The following IRAG2 variants were observed in gnomAD, a reference collection of about 807,000 sequenced individuals.
IRAG2 encodes the protein lymphoid restricted membrane protein.
Under a neutral mutation model 69.9 loss-of-function variants are expected in IRAG2, and 45 were observed. The ratio of observed to expected loss-of-function variants is 0.64; its 90% confidence interval spans 0.51 to 0.83. IRAG2 has a LOEUF of 0.83. IRAG2 is among the 40% of genes least tolerant of loss of function. The pLI is 0.00. For missense variants in IRAG2, 520 were observed against 587.0 expected (o/e 0.89, Z 1.18); for synonymous variants, 193 against 202.4 (o/e 0.95, Z 0.40).
At chr12:25,104,250 A>G (rs1251561897) in intron 19 of IRAG2, 111 bp from the exon 20 acceptor site, 2 of 746,028 alleles carry the variant, frequency 2.7e-6, no homozygotes, top group East Asian at 6.0e-5. Context: ...TGTGCCAAGA[A>G]AAAAATAATT....
At chr12:25,015,921 C>T (rs1007462222) in intron 5 of IRAG2, among the ~76,000 whole-genome samples, 31 of 152,132 alleles carry the variant, frequency 2.0e-4, no homozygotes, top group African/African-American at 7.0e-4. Context: ...GTGGGCTGGG[C>T]GCGGTGCCTC....
At chr12:25,041,558 T>G (rs1944748779) in intron 16 of IRAG2, among the ~76,000 whole-genome samples, 1 of 152,068 alleles carries the variant, frequency 6.6e-6, no homozygotes, top group Non-Finnish European at 1.5e-5. Flanking sequence ...TTCAGCTCAC[T>G]GGAACCTCCA....
intron 1 of IRAG2, among the ~76,000 whole-genome samples, chr12:25,055,495 ATG>A (rs939978105): frequency 1.3e-5 from 2 of 152,190 alleles, no homozygotes; most frequent in Admixed American, 6.5e-5. Context: ...TCTAGGGTAC[ATG>A]TGTACAACGT....
At chr12:25,101,349 T>C in intron 16 of IRAG2, 24 bp downstream of exon 16, 1 of 1,519,602 alleles carries the variant, frequency 6.6e-7, no homozygotes. Context: ...ATGATAATAG[T>C]ATTAGTTGTG....
At chr12:25,060,338 G>A (rs1467447498) in intron 1 of IRAG2, among the ~76,000 whole-genome samples, 1 of 152,132 alleles carries the variant, frequency 6.6e-6, no homozygotes, top group East Asian at 1.9e-4. Context: ...GTACATCAAA[G>A]AGCTAGTTAA....
exon 14 of IRAG2, chr12:25,035,767 A>C (rs1328439588): frequency 2.5e-6 from 1 of 398,918 alleles, no homozygotes; most frequent in Non-Finnish European, 4.4e-6. Flanking sequence ...AGTGGAATTC[A>C]CAGCCACGCT....
chr12:25,103,793 ATTATTGAGAGT>A (rs1291372560), intron 17 of IRAG2, 33 bp from the exon 18 acceptor site: 1 of 1,386,812 alleles, frequency 7.2e-7, no homozygotes, highest in East Asian at 2.3e-5. Flanking sequence ...ATAATGATAA[ATTATTGAGAGT>A]TTTCTAAATG....
At chr12:25,015,667 CT>C (rs1423926385) in intron 5 of IRAG2, among the ~76,000 whole-genome samples, 1 of 152,204 alleles carries the variant, frequency 6.6e-6, no homozygotes, top group Non-Finnish European at 1.5e-5. Flanking sequence ...TCATGAAACC[CT>C]TCTCCCTCAT....
intron 14 of IRAG2, among the ~76,000 whole-genome samples, chr12:25,091,449 A>G (rs7977670): frequency 0.34 from 51,835 of 152,058 alleles, 9,493 homozygotes; most frequent in African/African-American, 0.46. Context: ...TTAAGGCTCA[A>G]TAAAATTCTC....
chr12:25,087,293 G>A lies in IRAG2; in HGVS notation c.316-807G>A, dbSNP rs71450467. 1.1e-4 allele frequency among the ~76,000 whole-genome samples: 17 copies of A among 148,788 alleles called. No homozygotes were observed. The East Asian group carries it at 2.4e-3, about 21-fold the overall frequency. On this transcript the variant is annotated intron_variant, in intron 10 of 21. Coordinates refer to ENST00000556887, the MANE Select transcript of IRAG2 (RefSeq NM_001366544.2). ...AGTGATTCTCCTGCCTCAGCCTTCA[G>A]AGTAGCTTGGATTATAGGCCTGCAC...
chr12:25,008,099 C>A (rs12367095), intron 2 of IRAG2, among the ~76,000 whole-genome samples: 39,358 of 152,012 alleles, frequency 0.26, 5,574 homozygotes, highest in South Asian at 0.46. Flanking sequence ...CAACAGAAGG[C>A]AACTATTGAT....
chr12:25,037,141 G>C lies in IRAG2; in HGVS notation c.1980+455G>C, dbSNP rs1035821300. ...TAGCTATTCCCAGCTTTATTAGAAA[G>C]GAAGCATATGAGAAGGTATCTCTTT... On this transcript the variant is annotated intron_variant, in intron 15 of 38. Coordinates refer to the IRAG2 transcript ENST00000636465. Among the ~76,000 whole-genome samples, 5 of 152,112 alleles carry C rather than the reference G, an allele frequency of 3.3e-5. No individual in the cohort carries two copies. The East Asian group carries it at 9.6e-4, about 29-fold the overall frequency.
At chr12:25,017,829 A>T (rs923147855) in intron 6 of IRAG2, among the ~76,000 whole-genome samples, 1 of 152,124 alleles carries the variant, frequency 6.6e-6, no homozygotes, top group African/African-American at 2.4e-5. Context: ...CTCCATACTT[A>T]CCAGCAGGCA....
At chr12:25,014,272 A>C (rs1944502988) in intron 3 of IRAG2, among the ~76,000 whole-genome samples, 1 of 152,118 alleles carries the variant, frequency 6.6e-6, no homozygotes, top group Non-Finnish European at 1.5e-5. Flanking sequence ...CAAAAGAAAA[A>C]ACATTTTTAT....
intron 6 of IRAG2, among the ~76,000 whole-genome samples, chr12:25,077,644 G>T (rs1387314021): frequency 1.3e-5 from 2 of 151,598 alleles, no homozygotes; most frequent in African/African-American, 4.8e-5. Flanking sequence ...TTGGCCTACG[G>T]GCTTCTTCAG....
chr12:25,077,277 A>ATATATGAT lies in IRAG2; in HGVS notation c.25-1967_25-1966insTATATGAT, dbSNP rs1565562885. On this transcript the variant is annotated intron_variant, in intron 6 of 21. Coordinates refer to ENST00000556887, the MANE Select transcript of IRAG2 (RefSeq NM_001366544.2). ...TGATATATATATGAAATATATATGA[A>ATATATGAT]ATATATATGATATATATATGAAATA... 3.7e-3 allele frequency among the ~76,000 whole-genome samples: 81 copies of ATATATGAT among 21,786 alleles called. 10 individuals are homozygous for ATATATGAT. Among genetic ancestry groups the ATATATGAT allele is most frequent in the African/African-American group, 0.012 (79 of 6,686 alleles). The allele number at this position is 21,786 out of a possible 152,430, so 14.3% of individuals were successfully genotyped here. A position where few individuals can be genotyped will look rare whatever the true frequency, so the allele number is the denominator to read the frequency against.
intron 15 of IRAG2, among the ~76,000 whole-genome samples, chr12:25,099,749 C>A (rs1592095761): frequency 6.6e-6 from 1 of 151,988 alleles, no homozygotes; most frequent in African/African-American, 2.4e-5. Context: ...CGCCTGTAAT[C>A]CTAGCACCTT....
At chr12:25,065,499 ATTCTTTGATGGG>A (rs1945921520) in intron 4 of IRAG2, among the ~76,000 whole-genome samples, 1 of 152,230 alleles carries the variant, frequency 6.6e-6, no homozygotes, top group Admixed American at 6.5e-5. Flanking sequence ...TTCCCCTACC[ATTCTTTGATGGG>A]TTCTAATTAC....
At chr12:25,045,209 C>A (rs375627856) in intron 16 of IRAG2, among the ~76,000 whole-genome samples, 19 of 152,010 alleles carry the variant, frequency 1.2e-4, no homozygotes, top group African/African-American at 4.6e-4. Context: ...CAAATGAAAA[C>A]AAAAGCACAT....
Sources: allele counts gnomAD v4.1 joint callset (sites outside exome capture counted in the v4.1 genomes callset), GRCh38; gene constraint gnomAD v4.1.1; transcripts MANE v1.5; gene names NCBI Gene and HGNC (gene_info 2026-07-23, HGNC 2026-07-21).